MYBPH: variants seen among roughly 807,000 people sequenced by gnomAD.
The protein encoded by MYBPH is myosin-binding protein H.
Under a neutral mutation model 53.6 loss-of-function variants are expected in MYBPH, and 49 were observed. That is an observed-to-expected ratio of 0.91 (90% CI 0.73 to 1.16). MYBPH has a LOEUF of 1.16. Among genes scored for constraint, MYBPH ranks in the 50% most tolerant of loss-of-function variants. MYBPH has a pLI of 0.00. For missense variants in MYBPH, 558 were observed against 624.1 expected (o/e 0.89, Z 1.13); for synonymous variants, 239 against 249.6 (o/e 0.96, Z 0.40).
At position 203,175,664 on chromosome 1, in the gene MYBPH, C is replaced by T. The variant is rs1480303717; in HGVS notation, c.92G>A (p.Gly31Glu). The change falls in exon 1 of 11, where the codon GGA becomes GAA. Residue 31 changes from glycine to glutamate, a missense_variant. Physicochemically the swap from Gly to Glu is moderately conservative, Grantham distance 98. Transcript: ENST00000255416. The stretch of plus-strand genomic sequence containing the variant: ...GGTGGACTCTGATACTGCCACTTCT[C>T]CGGGAGGCTCTGCTGTGGGCACCTT... ...SAKVPTAEPP[G>E]EVAVSESTRE... is the part of the protein sequence containing the mutation. 6 of 1,614,008 alleles carry T rather than the reference C, an allele frequency of 3.7e-6. No individual in the cohort carries two copies. In the South Asian group the frequency reaches 5.5e-5, roughly 15 times the overall value.
At chr1:203,176,342 A>G (rs1655809600), upstream of MYBPH, among the ~76,000 whole-genome samples, 1 of 151,902 alleles carries the variant, frequency 6.6e-6, no homozygotes, top group Admixed American at 6.6e-5. Context: ...GGCCCTAGAG[A>G]GGGAGGGAAT....
At position 203,170,332 on chromosome 1, in the gene MYBPH, G is replaced by T; in HGVS notation, c.1052C>A (p.Ser351Ter). Reference protein sequence around the residue: ...FSENLCGLSTSATVTKELAHI... With the variant: ...FSENLCGLST ...GGCGAGCTCCTTGGTGACGGTGGCC[G>T]AGGTGCTGAGTCCACACAGGTTTTC... Residue 351 changes from serine to a stop codon, truncating the protein, a stop_gained, in exon 7 of 11, where the codon TCG becomes TAG. Coordinates refer to ENST00000255416, the MANE Select transcript of MYBPH (RefSeq NM_004997.3). LOFTEE classifies it high-confidence loss of function. The T allele has an allele frequency of 6.2e-7, 1 of 1,614,186 alleles. No homozygotes were observed. The highest frequency in any genetic ancestry group is 8.5e-7 in the Non-Finnish European group (1 of 1,180,028).
chr1:203,168,206 C>G (rs1048983686), intron 10 of MYBPH, 115 bp from the exon 11 acceptor site: 1 of 240,164 alleles, frequency 4.2e-6, no homozygotes, highest in Non-Finnish European at 8.3e-6. Flanking sequence ...GCCTCCCTCC[C>G]TCAGGTGCAA....
At position 203,175,606 on chromosome 1, in the gene MYBPH, AGG is replaced by A. The variant is rs1189024465; in HGVS notation, c.148_149del (p.Pro50CysfsTer12). 1 of 1,613,750 alleles carries A rather than the reference AGG, an allele frequency of 6.2e-7. No individual in the cohort carries two copies. The highest frequency in any genetic ancestry group is 2.2e-5 in the East Asian group (1 of 44,834). On this transcript the variant is annotated frameshift_variant, in exon 1 of 11. Transcript: ENST00000255416. LOFTEE classifies it high-confidence loss of function. ...REEQVPKPQA[P>X]APQAPTASTA... ...TGGAGGCTGTAGGGGCCTGTGGGGC[AGG>A]GGCCTGCGGCTTGGGCACCTGCTCT... is the stretch of plus-strand genomic sequence containing the variant.
chr1:203,174,719 C>G, intron 2 of MYBPH, 122 bp from the exon 3 acceptor site: 1 of 1,075,740 alleles, frequency 9.3e-7, no homozygotes. Flanking sequence ...CTCATTTTCC[C>G]CTTGTTTGCC....
chr1:203,170,592 A>G, intron 6 of MYBPH, 142 bp from the exon 7 acceptor site: 1 of 1,131,992 alleles, frequency 8.8e-7, no homozygotes, highest in Non-Finnish European at 1.2e-6. Flanking sequence ...CCTCAGGGAC[A>G]TTGAATTGGA....
chr1:203,175,271 G>T (rs1655783424), intron 2 of MYBPH, 56 bp downstream of exon 2: 1 of 1,503,138 alleles, frequency 6.7e-7, no homozygotes, highest in Admixed American at 2.3e-5. Flanking sequence ...ACTTGTCCCT[G>T]CAGCCCTCCA....
intron 3 of MYBPH, 63 bp downstream of exon 3, chr1:203,174,367 G>A (rs1655757016): frequency 1.3e-6 from 2 of 1,499,112 alleles, no homozygotes; most frequent in Admixed American, 4.2e-5. Context: ...GCTGGCCTCA[G>A]TTTCTCCATT....
At chr1:203,176,049 G>A (rs1655803228), upstream of MYBPH, among the ~76,000 whole-genome samples, 1 of 152,182 alleles carries the variant, frequency 6.6e-6, no homozygotes, top group South Asian at 2.1e-4. Context: ...TGCCCAGCTG[G>A]GGGAGGGCGC....
chr1:203,177,217 G>A (rs1183489495), upstream of MYBPH, among the ~76,000 whole-genome samples: 2 of 152,226 alleles, frequency 1.3e-5, no homozygotes, highest in African/African-American at 2.4e-5. Context: ...AGTTAGGATG[G>A]CGATTGCCTC....
At chr1:203,169,424 C>T in intron 7 of MYBPH, 35 bp from the exon 8 acceptor site, 1 of 1,552,812 alleles carries the variant, frequency 6.4e-7, no homozygotes, top group Non-Finnish European at 8.7e-7. Flanking sequence ...TGCATCTGAG[C>T]TTACAGGAGT....
At chr1:203,177,812 G>A (rs775923207), upstream of MYBPH, among the ~76,000 whole-genome samples, 2 of 152,254 alleles carry the variant, frequency 1.3e-5, no homozygotes, top group Non-Finnish European at 2.9e-5. Flanking sequence ...GTGGGCAGTG[G>A]CAGGGATTAG....
chr1:203,170,545 C>A, intron 6 of MYBPH, 95 bp from the exon 7 acceptor site: 2 of 1,478,730 alleles, frequency 1.4e-6, no homozygotes, highest in Admixed American at 2.0e-5. Flanking sequence ...TCATTCCATG[C>A]CCCCAACCTT....
At position 203,171,677 on chromosome 1, in the gene MYBPH, G is replaced by A; in HGVS notation, c.598-99C>T. On this transcript the variant is annotated intron_variant, in intron 4 of 10. Transcript: ENST00000255416. The surrounding 1 kb of genome is among the most constrained non-coding windows in gnomAD (Gnocchi z 4.2). ...TCTGGAGCTGTTCTCGGGGAAGCCT[G>A]TCCCACTGGCCCTTCTCAGGAGGGG... 1 of 1,260,036 alleles carries A rather than the reference G, an allele frequency of 7.9e-7. No individual in the cohort carries two copies. The highest frequency in any genetic ancestry group is 1.1e-6 in the Non-Finnish European group (1 of 934,588). 78.1% of individuals were successfully genotyped at this position (1,260,036 alleles called of 1,614,324 possible). A position where few individuals can be genotyped will look rare whatever the true frequency, so the allele number is the denominator to read the frequency against.
intron 6 of MYBPH, 80 bp from the exon 7 acceptor site, chr1:203,170,530 G>A: frequency 6.5e-7 from 1 of 1,533,896 alleles, no homozygotes; most frequent in Non-Finnish European, 8.8e-7. Context: ...TTTCCTCACA[G>A]GAACTCATTC....
intron 3 of MYBPH, among the ~76,000 whole-genome samples, chr1:203,174,204 G>A (rs1357835259): frequency 1.3e-5 from 2 of 152,182 alleles, no homozygotes; most frequent in Non-Finnish European, 2.9e-5. Flanking sequence ...CAAGGCGTGG[G>A]GGCTGGACCA....
chr1:203,170,444 A>G lies in MYBPH; in HGVS notation c.940T>C (p.Phe314Leu). ...GGGTGGTAGCGCTCCAGCACTGTGA[A>G]CCATTGCTGCAGGGCCCCGGGTGTC... is the stretch of plus-strand genomic sequence containing the variant. ...QKADKKTGQW[F>L]TVLERYHPTT... The change falls in exon 7 of 11, where the codon TTC becomes CTC. Residue 314 changes from phenylalanine (F) to leucine (L), a missense_variant. By Grantham distance (22) the Phe-to-Leu change is conservative. Transcript: ENST00000255416. 6.2e-7 allele frequency: 1 copy of G among 1,613,822 alleles called. No individual in the cohort carries two copies.
At chr1:203,174,967 C>T (rs1335763082) in intron 2 of MYBPH, among the ~76,000 whole-genome samples, 5 of 152,012 alleles carry the variant, frequency 3.3e-5, no homozygotes, top group African/African-American at 4.8e-5. Context: ...CTGTCTCTTA[C>T]GCTAACATTC....
Position 203,174,638 on chromosome 1 carries a change from C to T in MYBPH, c.341-41G>A, listed in dbSNP as rs757280479. The T allele has an allele frequency of 7.3e-6, 11 of 1,496,856 alleles. No homozygotes were observed. In the South Asian group the frequency reaches 1.3e-4, roughly 18 times the overall value. 92.7% of individuals were successfully genotyped at this position (1,496,856 alleles called of 1,614,324 possible). On this transcript the variant is annotated intron_variant, in intron 2 of 10. Coordinates refer to ENST00000255416, the MANE Select transcript of MYBPH (RefSeq NM_004997.3). ...GAGTGTGAGGTCTTTGCAATGTGGC[C>T]ACAGGCGCCCCTCTCCATGGGGCTT... is the stretch of plus-strand genomic sequence containing the variant.
Sources: gnomAD v4.1 joint callset for allele counts (sites outside exome capture counted in the v4.1 genomes callset) on GRCh38, gnomAD v4.1.1 for gene constraint, Gnocchi (gnomAD v3.1) non-coding constraint, MANE v1.5 for transcripts, NCBI Gene and HGNC (gene_info 2026-07-23, HGNC 2026-07-21) for gene names.